Variants in ZNF142 observed in about 807,000 individuals in gnomAD.
ZNF142 encodes zinc finger protein 142 (clone pHZ-49).
In ZNF142, 96 loss-of-function variants were observed where a neutral mutation model predicts 132.1. The ratio of observed to expected loss-of-function variants is 0.73; its 90% CI spans 0.62 to 0.86. ZNF142 has a LOEUF of 0.86. Ranked by LOEUF, ZNF142 falls within the 40% of genes least tolerant of loss-of-function variation. The probability of loss-of-function intolerance (pLI) is 0.00; values close to 1 mark genes in which losing one functional copy is unlikely to be tolerated. For synonymous variants in ZNF142, 842 were observed against 890.1 expected (o/e 0.95, Z 0.96); for missense variants, 2,163 against 2,336.2 (o/e 0.93, Z 1.53).
At position 218,635,858 on chromosome 2, in the gene ZNF142, A is replaced by C; in HGVS notation, c.*2481T>G. Reference sequence around the variant, plus strand: ...CCAAAGAGGGGTCCATTGTGGATCCACTGGTGAAAGTGCAGATCTTTGGCG... The same window carrying C: ...CCAAAGAGGGGTCCATTGTGGATCCCCTGGTGAAAGTGCAGATCTTTGGCG... On this transcript the variant is annotated 3_prime_UTR_variant, in exon 11 of 11. Transcript: ENST00000411696. 6.2e-7 allele frequency: 1 copy of C among 1,613,994 alleles called. No homozygotes were observed. The highest frequency in any genetic ancestry group is 1.1e-5 in the South Asian group (1 of 91,074).
In ZNF142 at chr2:218,648,703, T is replaced by C; in HGVS notation, c.1805A>G (p.Gln602Arg). ...AGTGGCAAAGTTGCACTCAGGACAC[T>C]GGTGGATCTTTTCATGAGCATGCAT... ...GKMHAHEKIHQCPECNFATAH... is the reference protein window; with the variant it reads ...GKMHAHEKIHRCPECNFATAH... Residue 602 changes from glutamine to arginine, a missense_variant, in exon 7 of 11, where the codon CAG (glutamine) becomes CGG (arginine). Physicochemically the swap from Gln to Arg is conservative, Grantham distance 43. Coordinates refer to ENST00000411696, the MANE Select transcript of ZNF142 (RefSeq NM_001379659.1). The C allele has an allele frequency of 6.2e-7, 1 of 1,614,206 alleles. No homozygotes were observed. The highest frequency in any genetic ancestry group is 8.5e-7 in the Non-Finnish European group (1 of 1,180,038).
In ZNF142 at chr2:218,649,015, G is replaced by T; in HGVS notation, c.1493C>A (p.Pro498His). The change falls in exon 7 of 11, where the codon CCC becomes CAC. Residue 498 changes from proline (P) to histidine (H), a missense_variant. Pro to His is a moderately conservative substitution (Grantham distance 77). Coordinates refer to ENST00000411696, the MANE Select transcript of ZNF142 (RefSeq NM_001379659.1). Reference sequence around the variant, plus strand: ...GTGCTTAATGAAGGCCTTGCGGTCGGGTGCTGCATAGCTGCAGCCCTCCTG... The same window carrying T: ...GTGCTTAATGAAGGCCTTGCGGTCGTGTGCTGCATAGCTGCAGCCCTCCTG... ...CFQEGCSYAAPDRKAFIKHLK... is the reference protein window; with the variant it reads ...CFQEGCSYAAHDRKAFIKHLK... The T allele has an allele frequency of 1.9e-6, 3 of 1,612,538 alleles. No homozygotes were observed. Among genetic ancestry groups the T allele is most frequent in the Non-Finnish European group, 2.5e-6 (3 of 1,180,052 alleles).
At chr2:218,639,475 C>G (rs1423034842) in intron 10 of ZNF142, among the ~76,000 whole-genome samples, 1 of 152,182 alleles carries the variant, frequency 6.6e-6, no homozygotes. Flanking sequence ...CTTTTGGTCA[C>G]AGAGTACTCA....
chr2:218,638,232 C>A lies in ZNF142; in HGVS notation c.*107G>T. 8.4e-7 allele frequency: 1 copy of A among 1,190,956 alleles called. No homozygotes were observed. The allele number at this position is 1,190,956 out of a possible 1,614,324, so 73.8% of individuals were successfully genotyped here. A position where few individuals can be genotyped will look rare whatever the true frequency, so the allele number is the denominator to read the frequency against. ...GGAAGGTTCTAGTCACCCTTGTACC[C>A]CAAAAGCCAGTCTTTCCTTAGGCTC... is the stretch of plus-strand genomic sequence containing the variant. On this transcript the variant is annotated 3_prime_UTR_variant, in exon 11 of 11. Transcript: ENST00000411696.
Position 218,643,172 on chromosome 2 carries a change from T to C in ZNF142, c.3944A>G (p.Gln1315Arg), listed in dbSNP as rs370064908. The C allele has an allele frequency of 1.7e-5, 27 of 1,614,150 alleles. 1 individual carries two copies. The highest frequency in any genetic ancestry group is 2.2e-5 in the Non-Finnish European group (26 of 1,180,048). ...SCPTCPFSCQ[Q>R]ERALRTHQIR... Reference sequence around the variant, plus strand: ...CTGGTGAGTCCTCAGAGCCCGTTCCTGCTGGCAGCTAAAGGGACATGTAGG... The same window carrying C: ...CTGGTGAGTCCTCAGAGCCCGTTCCCGCTGGCAGCTAAAGGGACATGTAGG... The change falls in exon 9 of 11, where the codon CAG becomes CGG. Residue 1315 changes from glutamine (Q) to arginine (R), a missense_variant. By Grantham distance (43) the Gln-to-Arg change is conservative (BLOSUM62 1). This residue lies in a region of ZNF142 where 809 missense variants were observed against 801.7 expected (regional missense o/e 1.01). Transcript: ENST00000411696.
rs368247244 is a variant in ZNF142 at position 218,643,340 on chromosome 2, C to T, written c.3776G>A (p.Arg1259Gln). The T allele has an allele frequency of 6.9e-5, 112 of 1,614,026 alleles. No homozygotes were observed. Among genetic ancestry groups the T allele is most frequent in the Admixed American group, 4.5e-4 (27 of 60,008 alleles). The change falls in exon 9 of 11, where the codon CGA becomes CAA. Residue 1259 changes from arginine (R) to glutamine (Q), a missense_variant. Coordinates refer to ENST00000411696, the MANE Select transcript of ZNF142 (RefSeq NM_001379659.1). ...CRGGRGGGGK[R>Q]GTPQTQPDVS... Reference sequence around the variant, plus strand: ...ATCAGGCTGGGTCTGGGGGGTCCCTCGTTTTCCTCCCCCGCCACGTCCCCC... The same window carrying T: ...ATCAGGCTGGGTCTGGGGGGTCCCTTGTTTTCCTCCCCCGCCACGTCCCCC...
intron 8 of ZNF142, among the ~76,000 whole-genome samples, chr2:218,645,763 T>C (rs574237632): frequency 6.6e-6 from 1 of 152,180 alleles, no homozygotes; most frequent in Admixed American, 6.5e-5. Flanking sequence ...CTCTCTTTTT[T>C]CTTTCCTTTT....
Position 218,643,974 on chromosome 2 carries a change from C to G in ZNF142, c.3142G>C (p.Glu1048Gln). ...CTGGAGTGCAGATTCAGGGCCTTCT[C>G]CCGGCGAGTGATAAAAGGGCAGTGT... is the stretch of plus-strand genomic sequence containing the variant. Reference protein sequence around the residue: ...CPHCPFITRREKALNLHSRTG... With the variant: ...CPHCPFITRRQKALNLHSRTG... Residue 1048 changes from glutamate to glutamine, a missense_variant, in exon 9 of 11, where the codon GAG becomes CAG. Glu to Gln is a conservative substitution (Grantham distance 29). Around this residue, in one of 7 missense-constraint regions of ZNF142, gnomAD observed 809 missense variants for 801.7 expected, o/e 1.01. Transcript: ENST00000411696. 3.7e-6 allele frequency: 6 copies of G among 1,614,144 alleles called. No homozygotes were observed.
At chr2:218,646,394 C>A (rs1423047247) in intron 7 of ZNF142, 46 bp from the exon 8 acceptor site, 3 of 1,600,000 alleles carry the variant, frequency 1.9e-6, no homozygotes, top group Non-Finnish European at 2.6e-6. Flanking sequence ...AGGTCAGATA[C>A]AGATCAAGTG....
At chr2:218,654,443 T>C (rs1459560080) in intron 4 of ZNF142, among the ~76,000 whole-genome samples, 1 of 151,650 alleles carries the variant, frequency 6.6e-6, no homozygotes, top group Non-Finnish European at 1.5e-5. Flanking sequence ...CTTGGCTCAC[T>C]GCAACCTCCG....
At position 218,644,161 on chromosome 2, in the gene ZNF142, T is replaced by C. The variant is rs773721618; in HGVS notation, c.2955A>G (p.Thr985=). The C allele has an allele frequency of 6.2e-7, 1 of 1,613,942 alleles. No homozygotes were observed. The highest frequency in any genetic ancestry group is 1.7e-5 in the Admixed American group (1 of 60,004). ...APNNWVGTFK[T]TPPAETAPLP... ...AGGGTGCTGTCTCAGCAGGTGGAGT[T>C]GTCTTGAAGGTTCCTACCCAGTTGT... Residue 985 remains threonine (T), a synonymous_variant, in exon 9 of 11, where the codon ACA becomes ACG. Transcript: ENST00000411696. The surrounding 1 kb of genome is among the most constrained non-coding windows in gnomAD (Gnocchi z 4.6).
intron 5 of ZNF142, among the ~76,000 whole-genome samples, chr2:218,650,990 T>C (rs1015073434): frequency 7.9e-6 from 1 of 126,144 alleles, no homozygotes; most frequent in Non-Finnish European, 1.9e-5. Flanking sequence ...TTTACTTCTT[T>C]TTTTTTTTTT....
Position 218,635,932 on chromosome 2 carries a change from G to T in ZNF142, c.*2407C>A. 6.2e-7 allele frequency: 1 copy of T among 1,614,052 alleles called. No individual in the cohort carries two copies. The highest frequency in any genetic ancestry group is 8.5e-7 in the Non-Finnish European group (1 of 1,179,908). ...GAGACCAACTATGTGGAGAACAATG[G>T]TGAGAAACTGGCAGTGCTGGGGAGG... On this transcript the variant is annotated 3_prime_UTR_variant, in exon 11 of 11. Transcript: ENST00000411696.
At position 218,633,477 on chromosome 2, in the gene ZNF142, G is replaced by A. The variant is rs775305300; in HGVS notation, c.*4862C>T. The stretch of plus-strand genomic sequence containing the variant: ...AAGCCTGAGTCCCTTCTCTTGTCCC[G>A]GCAGGTGAGGCAGGAGGGAGAATAC... On this transcript the variant is annotated 3_prime_UTR_variant, in exon 11 of 11. Coordinates refer to ENST00000411696, the MANE Select transcript of ZNF142 (RefSeq NM_001379659.1). 13 of 1,110,956 alleles carry A rather than the reference G, an allele frequency of 1.2e-5. No individual in the cohort carries two copies. The East Asian group carries it at 1.2e-4, about 10-fold the overall frequency. 68.8% of individuals were successfully genotyped at this position (1,110,956 alleles called of 1,614,324 possible).
intron 9 of ZNF142, among the ~76,000 whole-genome samples, chr2:218,641,243 ATTTTTTT>A (rs71276228): frequency 5.8e-5 from 6 of 103,920 alleles, no homozygotes; most frequent in African/African-American, 1.8e-4. Context: ...CTGGCCGATA[ATTTTTTT>A]TTTTTTTTTT....
chr2:218,646,665 A>C (rs1389191033), intron 7 of ZNF142, among the ~76,000 whole-genome samples: 2 of 152,142 alleles, frequency 1.3e-5, no homozygotes, highest in African/African-American at 4.8e-5. Context: ...CTCACTGCCA[A>C]GCTCGGCTGC....
Position 218,642,747 on chromosome 2 carries a change from G to A in ZNF142, c.4369C>T (p.His1457Tyr), listed in dbSNP as rs781001920. The A allele has an allele frequency of 1.5e-5, 25 of 1,614,092 alleles. No homozygotes were observed. The highest frequency in any genetic ancestry group is 1.9e-5 in the Non-Finnish European group (23 of 1,180,052). ...RLRVHDKTPT[H>Y]FCPLCDYSGY... is the part of the protein sequence containing the mutation. ...CTATAGTCACAAAGTGGACAGAAGTGGGTAGGTGTTTTGTCATGTACCCTT... is the reference window on the plus strand; with the variant it reads ...CTATAGTCACAAAGTGGACAGAAGTAGGTAGGTGTTTTGTCATGTACCCTT... The change falls in exon 9 of 11, where the codon CAC (histidine) becomes TAC (tyrosine). Residue 1457 changes from histidine (H) to tyrosine (Y), a missense_variant. Coordinates refer to ENST00000411696, the MANE Select transcript of ZNF142 (RefSeq NM_001379659.1). The surrounding 1 kb of genome is among the most constrained non-coding windows in gnomAD (Gnocchi z 4.6).
chr2:218,656,817 CTT>C (rs34530017), intron 3 of ZNF142, among the ~76,000 whole-genome samples: 7,812 of 119,378 alleles, frequency 0.065, 258 homozygotes, highest in East Asian at 0.14. Flanking sequence ...CTCAGAAGTC[CTT>C]TTTTTTTTTT....
intron 3 of ZNF142, among the ~76,000 whole-genome samples, chr2:218,656,981 G>A (rs1229550117): frequency 1.3e-5 from 2 of 151,940 alleles, no homozygotes; most frequent in African/African-American, 4.8e-5. Flanking sequence ...ACACGCCCAG[G>A]TAAATTTTGT....
Sources: gnomAD v4.1 joint callset for allele counts (sites outside exome capture counted in the v4.1 genomes callset) on GRCh38, gnomAD v4.1.1 for gene constraint, gnomAD v4.1.1 regional missense constraint, Gnocchi (gnomAD v3.1) non-coding constraint, MANE v1.5 for transcripts, NCBI Gene and HGNC (gene_info 2026-07-23, HGNC 2026-07-21) for gene names.